The following HIVEP2 variants were observed in gnomAD, a reference collection of about 807,000 sequenced individuals.
The protein encoded by HIVEP2 is HIVEP zinc finger 2.
A neutral mutation model predicts 180.7 loss-of-function variants in HIVEP2; 14 were observed. The ratio of observed to expected loss-of-function variants is 0.08; its 90% confidence interval spans 0.05 to 0.12. The LOEUF is 0.12. Among genes scored for constraint, HIVEP2 ranks in the 10% least tolerant of loss-of-function variants. HIVEP2 has a pLI of 1.00. For missense variants in HIVEP2, 2,579 were observed against 3,008.5 expected, an observed-to-expected ratio of 0.86 and a Z score of 3.34; for synonymous variants, 1,184 against 1,136.4, an observed-to-expected ratio of 1.04 and a Z score of -0.84.
chr6:142,767,631 A>T (rs115008861), intron 6 of HIVEP2, among the ~76,000 whole-genome samples: 1 of 152,252 alleles, frequency 6.6e-6, no homozygotes, highest in African/African-American at 2.4e-5. Flanking sequence ...TTTTAGAAGC[A>T]TAAGTGTAGG....
rs78360911 is a variant in HIVEP2, at chr6:142,850,768, C to A, written c.-640-13721G>T. Among the ~76,000 whole-genome samples, 636 of 152,296 alleles carry A rather than the reference C, an allele frequency of 4.2e-3. 3 individuals are homozygous for A. The highest frequency in any genetic ancestry group is 0.014 in the African/African-American group (592 of 41,544). The stretch of plus-strand genomic sequence containing the variant: ...TCCACCTAGACAATTTCTGAAGAAG[C>A]ACCCTGAAAGAATTCACTGACTGCT... On this transcript the variant is annotated intron_variant, in intron 1 of 9. Transcript: ENST00000367603.
rs964681171 is a variant in HIVEP2, at chr6:142,772,805, T to C, written c.1934A>G (p.Tyr645Cys). The change falls in exon 5 of 10, where the codon TAT becomes TGT. Residue 645 changes from tyrosine (Y) to cysteine (C), a missense_variant. This residue lies in a region of HIVEP2 where 524 missense variants were observed against 563.6 expected (regional missense o/e 0.93). Coordinates refer to ENST00000367603, the MANE Select transcript of HIVEP2 (RefSeq NM_006734.4). The surrounding 1 kb of genome is among the most constrained non-coding windows in gnomAD (Gnocchi z 4.9). ...GYDYDVCRKP[Y>C]KKWEDSETPK... Reference sequence around the variant, plus strand: ...TGTTTCAGAGTCCTCCCACTTCTTATAGGGTTTCCGACAGACATCATAGTC... The same window carrying C: ...TGTTTCAGAGTCCTCCCACTTCTTACAGGGTTTCCGACAGACATCATAGTC... 22 of 1,614,180 alleles carry C rather than the reference T, an allele frequency of 1.4e-5. No individual in the cohort carries two copies. Among genetic ancestry groups the C allele is most frequent in the Non-Finnish European group, 1.7e-5 (20 of 1,180,028 alleles).
At chr6:142,914,781 T>C (rs539508054) in intron 1 of HIVEP2, among the ~76,000 whole-genome samples, 13 of 152,290 alleles carry the variant, frequency 8.5e-5, no homozygotes, top group Non-Finnish European at 1.8e-4. Context: ...AGCAAGAACA[T>C]GGTTCTTTTA....
chr6:142,755,877 T>A (rs1478418527), intron 9 of HIVEP2, among the ~76,000 whole-genome samples: 1 of 152,158 alleles, frequency 6.6e-6, no homozygotes, highest in Non-Finnish European at 1.5e-5. Flanking sequence ...TTTCTACACA[T>A]CCTCTCTCCT....
At chr6:142,797,136 C>T (rs1278330743) in intron 2 of HIVEP2, among the ~76,000 whole-genome samples, 36 of 152,062 alleles carry the variant, frequency 2.4e-4, no homozygotes, top group Non-Finnish European at 4.3e-4. Context: ...ACTCCTAACA[C>T]ACCTAACTTT....
chr6:142,938,987 A>G (rs1029027710), intron 1 of HIVEP2, among the ~76,000 whole-genome samples: 6 of 152,172 alleles, frequency 3.9e-5, no homozygotes, highest in African/African-American at 1.4e-4. Context: ...ATGTATCCCT[A>G]AAAATATAAT....
chr6:142,802,195 T>G (rs974094863), intron 2 of HIVEP2, among the ~76,000 whole-genome samples: 9 of 152,204 alleles, frequency 5.9e-5, no homozygotes, highest in African/African-American at 1.9e-4. Flanking sequence ...CTTCACCATC[T>G]GCAACAAGGA....
In HIVEP2 at chr6:142,764,863, G is replaced by T; in HGVS notation, c.5454C>A (p.Ile1818=). ...CKKPSMLKKH[I]RTHTDVRPYV... ...AAGGCCGAACATCAGTATGGGTACGGATGTGTTTTTTGAGCATGCTTGGCT... is the reference window on the plus strand; with the variant it reads ...AAGGCCGAACATCAGTATGGGTACGTATGTGTTTTTTGAGCATGCTTGGCT... The change falls in exon 7 of 10, where the codon ATC becomes ATA. Residue 1818 remains isoleucine, a synonymous_variant. Transcript: ENST00000367603. 1 of 1,614,028 alleles carries T rather than the reference G, an allele frequency of 6.2e-7. No homozygotes were observed. Among genetic ancestry groups the T allele is most frequent in the South Asian group, 1.1e-5 (1 of 91,066 alleles).
intron 1 of HIVEP2, among the ~76,000 whole-genome samples, chr6:142,901,673 T>C (rs1777135306): frequency 6.6e-6 from 1 of 152,220 alleles, no homozygotes; most frequent in African/African-American, 2.4e-5. Flanking sequence ...CCTGGAAATA[T>C]GCTTTTGGTC....
chr6:142,771,678 G>A lies in HIVEP2; in HGVS notation c.3061C>T (p.His1021Tyr). The change falls in exon 5 of 10, where the codon CAT (histidine) becomes TAT (tyrosine). Residue 1021 changes from histidine to tyrosine, a missense_variant. Around this residue, in one of 11 missense-constraint regions of HIVEP2, gnomAD observed 523 missense variants for 577.0 expected, o/e 0.91. Transcript: ENST00000367603. The surrounding 1 kb of genome is among the most constrained non-coding windows in gnomAD (Gnocchi z 5.4). ...AGSYSLSVPG[H>Y]HHQKEMRRCS... is the part of the protein sequence containing the mutation. ...CGTCGCATCTCTTTCTGGTGGTGAT[G>A]GCCTGGGACAGACAATGAGTATGAA... 7 of 1,614,172 alleles carry A rather than the reference G, an allele frequency of 4.3e-6. No individual in the cohort carries two copies. Among genetic ancestry groups the A allele is most frequent in the Non-Finnish European group, 5.9e-6 (7 of 1,180,020 alleles).
rs773500636 is a variant in HIVEP2, at chr6:142,774,149, G to A, written c.590C>T (p.Ala197Val). Residue 197 changes from alanine to valine, a missense_variant, in exon 5 of 10, where the codon GCG becomes GTG. Coordinates refer to ENST00000367603, the MANE Select transcript of HIVEP2 (RefSeq NM_006734.4). This position sits in a 1 kb window ranked among gnomAD's most constrained non-coding sequence, Gnocchi z 5.1. ...TTTCAGTACACTAGGTTTGGCACAC[G>A]CTCTGCTGCAGTAAGGGCAAATGTA... is the stretch of plus-strand genomic sequence containing the variant. Reference protein sequence around the residue: ...GKYICPYCSRACAKPSVLKKH... With the variant: ...GKYICPYCSRVCAKPSVLKKH... 6.2e-6 allele frequency: 10 copies of A among 1,614,122 alleles called. No individual in the cohort carries two copies. The highest frequency in any genetic ancestry group is 8.5e-6 in the Non-Finnish European group (10 of 1,180,030).
rs55792914 is a variant in HIVEP2 at position 142,933,605 on chromosome 6, C to T, written c.-641+11494G>A. Among the ~76,000 whole-genome samples, 980 of 152,230 alleles carry T rather than the reference C, an allele frequency of 6.4e-3. 3 individuals carry two copies. The highest frequency in any genetic ancestry group is 0.021 in the Middle Eastern group (6 of 292). On this transcript the variant is annotated intron_variant, in intron 1 of 9. Coordinates refer to ENST00000367603, the MANE Select transcript of HIVEP2 (RefSeq NM_006734.4). ...AAATTTTTCCAGATGGCTATTAATACCCATCAGGACCATTTTCAGACATCA... is the reference window on the plus strand; with the variant it reads ...AAATTTTTCCAGATGGCTATTAATATCCATCAGGACCATTTTCAGACATCA...
intron 1 of HIVEP2, among the ~76,000 whole-genome samples, chr6:142,916,369 T>C (rs952729127): frequency 2.6e-5 from 4 of 152,194 alleles, no homozygotes; most frequent in African/African-American, 9.7e-5. Context: ...AATCCTAAAC[T>C]GAGTTTATAA....
intron 1 of HIVEP2, among the ~76,000 whole-genome samples, chr6:142,911,128 C>T (rs1291348818): frequency 8.2e-6 from 1 of 122,090 alleles, no homozygotes; most frequent in Non-Finnish European, 1.6e-5. Context: ...GAAGACAAAG[C>T]ACAAACACAT....
chr6:142,762,376 A>G (rs751403397), intron 7 of HIVEP2, among the ~76,000 whole-genome samples: 3 of 151,986 alleles, frequency 2.0e-5, no homozygotes, highest in Non-Finnish European at 4.4e-5. Flanking sequence ...TATAATTTGT[A>G]TAACTGCTTT....
chr6:142,789,988 A>G (rs1194159993), intron 2 of HIVEP2, among the ~76,000 whole-genome samples: 1 of 152,228 alleles, frequency 6.6e-6, no homozygotes, highest in African/African-American at 2.4e-5. Flanking sequence ...TAAGCAGTGC[A>G]TTATTTAGTA....
chr6:142,787,235 G>T (rs1358641111), intron 2 of HIVEP2, among the ~76,000 whole-genome samples: 1 of 145,686 alleles, frequency 6.9e-6, no homozygotes, highest in Non-Finnish European at 1.5e-5. Flanking sequence ...GATAGAGTGA[G>T]ACCCCGTCTC....
Position 142,759,196 on chromosome 6 carries a change from G to A in HIVEP2, c.6516+576C>T, listed in dbSNP as rs577775775. On this transcript the variant is annotated intron_variant, in intron 9 of 9. Coordinates refer to ENST00000367603, the MANE Select transcript of HIVEP2 (RefSeq NM_006734.4). The stretch of plus-strand genomic sequence containing the variant: ...TACACGCCTGTAGTCCCAGCTTCTC[G>A]GGAGGCTGAGATGGGAGAATCGCTT... Among the ~76,000 whole-genome samples, 17 of 152,110 alleles carry A rather than the reference G, an allele frequency of 1.1e-4. No individual in the cohort carries two copies. The East Asian group carries it at 1.4e-3, about 12-fold the overall frequency.
chr6:142,929,910 A>G (rs1459210688), intron 1 of HIVEP2, among the ~76,000 whole-genome samples: 1 of 152,222 alleles, frequency 6.6e-6, no homozygotes, highest in African/African-American at 2.4e-5. Context: ...TGTATCTGAC[A>G]GGCTGACTTG....
Sources: allele counts gnomAD v4.1 joint callset (sites outside exome capture counted in the v4.1 genomes callset), GRCh38; gene constraint gnomAD v4.1.1; regional missense constraint gnomAD v4.1.1; non-coding constraint Gnocchi (gnomAD v3.1); transcripts MANE v1.5; gene names NCBI Gene and HGNC (gene_info 2026-07-23, HGNC 2026-07-21).